Variants in KCNIP1 observed in about 807,000 individuals in gnomAD.
The protein encoded by KCNIP1 is A-type potassium channel modulatory protein KCNIP1.
A neutral mutation model predicts 33.0 loss-of-function variants in KCNIP1; 18 were observed. The observed-to-expected ratio is 0.55, with a 90% CI of 0.38 to 0.81. The LOEUF (loss-of-function observed/expected upper bound fraction) is 0.81. Ranked by LOEUF, KCNIP1 falls within the 30% of genes least tolerant of loss-of-function variation. The probability of loss-of-function intolerance (pLI) is 0.00; values close to 1 mark genes in which losing one functional copy is unlikely to be tolerated. For synonymous variants in KCNIP1, 93 were observed against 98.3 expected (o/e 0.95, Z 0.32); for missense variants, 238 against 271.6 (o/e 0.88, Z 0.87).
At chr5:170,563,210 G>T (rs1757094781) in intron 1 of KCNIP1, among the ~76,000 whole-genome samples, 1 of 152,202 alleles carries the variant, frequency 6.6e-6, no homozygotes, top group Non-Finnish European at 1.5e-5. Flanking sequence ...AGGCGCTGCT[G>T]CTCCTCACCT....
rs142049409 is a variant in KCNIP1, at chr5:170,505,677, T to G, written c.61+1044T>G. On this transcript the variant is annotated intron_variant, in intron 1 of 7. Transcript: ENST00000328939. ...AATAAGTCTCCTCTTAGAACTTGGT[T>G]GGTCTCACCCTGTTTAGAACCACAG... Among the ~76,000 whole-genome samples, 440 of 152,292 alleles carry G rather than the reference T, an allele frequency of 2.9e-3. 2 individuals carry two copies. Among genetic ancestry groups the G allele is most frequent in the Non-Finnish European group, 4.9e-3 (330 of 68,018 alleles).
chr5:170,677,816 T>C (rs1762201559), intron 1 of KCNIP1, among the ~76,000 whole-genome samples: 1 of 151,072 alleles, frequency 6.6e-6, no homozygotes, highest in Non-Finnish European at 1.5e-5. Flanking sequence ...TTAAGGCAAA[T>C]GGACCTAAGG....
At chr5:170,378,732 T>A (rs1214133449) in intron 1 of KCNIP1, 19 of 1,613,732 alleles carry the variant, frequency 1.2e-5, no homozygotes, top group African/African-American at 1.3e-5. Context: ...GATGGACAGG[T>A]ACTGGTTGCT....
At chr5:170,674,525 T>G (rs1762057603) in intron 1 of KCNIP1, among the ~76,000 whole-genome samples, 1 of 152,172 alleles carries the variant, frequency 6.6e-6, no homozygotes, top group Admixed American at 6.5e-5. Flanking sequence ...CCAGCCTGTT[T>G]TAAGCAGACA....
intron 1 of KCNIP1, among the ~76,000 whole-genome samples, chr5:170,546,682 T>C (rs1471863131): frequency 6.6e-6 from 1 of 152,190 alleles, no homozygotes; most frequent in Non-Finnish European, 1.5e-5. Flanking sequence ...GGCTTTTCTT[T>C]TTTTTTCTTA....
chr5:170,537,860 C>T (rs1756054315), intron 1 of KCNIP1, among the ~76,000 whole-genome samples: 1 of 152,230 alleles, frequency 6.6e-6, no homozygotes, highest in South Asian at 2.1e-4. Context: ...GTACACAGTC[C>T]TTTTGTTACA....
chr5:170,551,634 G>GTGCA (rs1448454176), intron 1 of KCNIP1, among the ~76,000 whole-genome samples: 1 of 151,724 alleles, frequency 6.6e-6, no homozygotes, highest in Non-Finnish European at 1.5e-5. Flanking sequence ...GTGTGTGTGT[G>GTGCA]TGCATGTGTG....
intron 1 of KCNIP1, among the ~76,000 whole-genome samples, chr5:170,607,055 C>T (rs1010579319): frequency 6.6e-6 from 1 of 152,204 alleles, no homozygotes; most frequent in Non-Finnish European, 1.5e-5. Flanking sequence ...CCTCAAGCCT[C>T]CTGTTGAGGC....
intron 1 of KCNIP1, among the ~76,000 whole-genome samples, chr5:170,363,451 A>G (rs1414192361): frequency 6.6e-6 from 1 of 152,220 alleles, no homozygotes; most frequent in Non-Finnish European, 1.5e-5. Context: ...AGAGACCAGG[A>G]GTACACACAC....
chr5:170,412,147 T>C (rs1561613111), intron 1 of KCNIP1, among the ~76,000 whole-genome samples: 1 of 152,200 alleles, frequency 6.6e-6, no homozygotes, highest in African/African-American at 2.4e-5. Flanking sequence ...GTTGCAGGGA[T>C]GTGTGACCAC....
chr5:170,556,233 C>G (rs552180097), intron 1 of KCNIP1, among the ~76,000 whole-genome samples: 2 of 152,284 alleles, frequency 1.3e-5, no homozygotes, highest in African/African-American at 4.8e-5. Flanking sequence ...AGGGGTGAGG[C>G]CAGTTGGTCT....
chr5:170,723,332 T>C (rs1395932075), intron 5 of KCNIP1, among the ~76,000 whole-genome samples: 1 of 152,150 alleles, frequency 6.6e-6, no homozygotes, highest in Non-Finnish European at 1.5e-5. Context: ...TCACAAATAA[T>C]TTCTGAATCT....
chr5:170,645,934 A>G (rs1394502872), intron 1 of KCNIP1, among the ~76,000 whole-genome samples: 1 of 152,202 alleles, frequency 6.6e-6, no homozygotes, highest in African/African-American at 2.4e-5. Flanking sequence ...AGATCACACA[A>G]ACATCAAAAC....
intron 1 of KCNIP1, among the ~76,000 whole-genome samples, chr5:170,709,610 A>AT (rs957289948): frequency 1.3e-5 from 2 of 151,258 alleles, no homozygotes; most frequent in African/African-American, 4.9e-5. Flanking sequence ...CTATTTTTTA[A>AT]TTTTTCAGTG....
intron 1 of KCNIP1, among the ~76,000 whole-genome samples, chr5:170,605,163 C>T (rs1022518319): frequency 1.3e-5 from 2 of 152,108 alleles, no homozygotes; most frequent in Non-Finnish European, 2.9e-5. Flanking sequence ...TGAGAATCTG[C>T]CATGCCCCTG....
intron 1 of KCNIP1, among the ~76,000 whole-genome samples, chr5:170,395,086 T>C (rs1754725122): frequency 6.6e-6 from 1 of 152,256 alleles, no homozygotes; most frequent in Admixed American, 6.5e-5. Context: ...TATGGTAGAA[T>C]ACTTTATTTT....
At chr5:170,729,360 AT>A (rs1291828646) in intron 5 of KCNIP1, among the ~76,000 whole-genome samples, 1 of 152,108 alleles carries the variant, frequency 6.6e-6, no homozygotes, top group East Asian at 1.9e-4. Flanking sequence ...GACAGAAAGG[AT>A]TGATATTCCT....
rs1233071260 is a variant in KCNIP1 at position 170,384,387 on chromosome 5, G to A, written c.88+30423G>A. On this transcript the variant is annotated intron_variant, in intron 1 of 7. Transcript: ENST00000377360. Reference sequence around the variant, plus strand: ...TGTGTTCTTTCCCCTAAAAGGAGCAGATGTAGAAGGGGTTTGAGTTGAGCC... The same window carrying A: ...TGTGTTCTTTCCCCTAAAAGGAGCAAATGTAGAAGGGGTTTGAGTTGAGCC... Among the ~76,000 whole-genome samples the A allele has an allele frequency of 2.6e-5, 4 of 152,208 alleles. No homozygotes were observed. The South Asian group carries it at 8.3e-4, about 32-fold the overall frequency.
At chr5:170,366,812 G>A (rs1763675113) in intron 1 of KCNIP1, among the ~76,000 whole-genome samples, 1 of 152,186 alleles carries the variant, frequency 6.6e-6, no homozygotes, top group Admixed American at 6.5e-5. Context: ...GCTCTTCATT[G>A]CCACACAGCC....
Sources: gnomAD v4.1 joint callset for allele counts (sites outside exome capture counted in the v4.1 genomes callset) on GRCh38, gnomAD v4.1.1 for gene constraint, MANE v1.5 for transcripts, NCBI Gene and HGNC (gene_info 2026-07-23, HGNC 2026-07-21) for gene names.